The following FAM168A variants were observed in gnomAD, a reference collection of about 807,000 sequenced individuals.
FAM168A encodes the protein protein FAM168A.
A neutral mutation model predicts 28.5 loss-of-function variants in FAM168A; 3 were observed. That is an observed-to-expected ratio of 0.11 (90% CI 0.05 to 0.27). FAM168A has a LOEUF of 0.27. Ranked by LOEUF, FAM168A falls within the 10% of genes least tolerant of loss-of-function variation. The pLI, the probability that FAM168A is intolerant of heterozygous loss-of-function variation, is 1.00. For missense variants in FAM168A, 222 were observed against 311.5 expected, an observed-to-expected ratio of 0.71 and a Z score of 2.16; for synonymous variants, 122 against 124.2, an observed-to-expected ratio of 0.98 and a Z score of 0.12.
At chr11:73,585,871 CAAAA>C (rs11358691) in intron 1 of FAM168A, among the ~76,000 whole-genome samples, 11 of 81,646 alleles carry the variant, frequency 1.3e-4, no homozygotes, top group Non-Finnish European at 2.1e-4. Flanking sequence ...CCATCTCAAA[CAAAA>C]AAAAAAAAAA....
chr11:73,515,160 T>C (rs903440460), intron 1 of FAM168A, among the ~76,000 whole-genome samples: 1 of 152,156 alleles, frequency 6.6e-6, no homozygotes, highest in Non-Finnish European at 1.5e-5. Flanking sequence ...TTCATTAAGA[T>C]ACTCACTCCA....
intron 1 of FAM168A, among the ~76,000 whole-genome samples, chr11:73,476,264 T>C (rs1453825815): frequency 1.3e-5 from 2 of 152,082 alleles, no homozygotes; most frequent in South Asian, 2.1e-4. Context: ...TGATCAAACA[T>C]TGGATGGCCA....
At position 73,404,510 on chromosome 11, in the gene FAM168A, A is replaced by G. The variant is rs1217886626; in HGVS notation, c.*2253T>C. On this transcript the variant is annotated 3_prime_UTR_variant, in exon 8 of 8. Coordinates refer to ENST00000356467, the MANE Select transcript of FAM168A (RefSeq NM_015159.3). Reference sequence around the variant, plus strand: ...ACATAATCTAGAACAACCTTCACCCACCTTTACAAAACCAAAGAGGGTGGA... The same window carrying G: ...ACATAATCTAGAACAACCTTCACCCGCCTTTACAAAACCAAAGAGGGTGGA... The G allele has an allele frequency of 6.6e-6, 1 of 152,194 alleles. No individual in the cohort carries two copies. The highest frequency in any genetic ancestry group is 1.5e-5 in the Non-Finnish European group (1 of 68,036). The allele number at this position is 152,194 out of a possible 1,614,324, so 9.4% of individuals were successfully genotyped here.
intron 1 of FAM168A, among the ~76,000 whole-genome samples, chr11:73,493,710 C>T (rs544227367): frequency 1.7e-4 from 26 of 152,120 alleles, no homozygotes; most frequent in Non-Finnish European, 2.9e-4. Flanking sequence ...AGCCACCATG[C>T]GCAGCCTTGT....
chr11:73,556,650 T>C (rs117330921), intron 1 of FAM168A, among the ~76,000 whole-genome samples: 1,719 of 152,048 alleles, frequency 0.011, 15 homozygotes, highest in Non-Finnish European at 0.018. Flanking sequence ...ATTATGAATG[T>C]ATTTAATACG....
chr11:73,595,881 T>C (rs1352686380), intron 1 of FAM168A, among the ~76,000 whole-genome samples: 1 of 152,254 alleles, frequency 6.6e-6, no homozygotes, highest in Non-Finnish European at 1.5e-5. Context: ...TTCTAAATCT[T>C]ATCAATGTCA....
In FAM168A at chr11:73,403,260, G is replaced by C. The variant is rs973335067; in HGVS notation, c.*3503C>G. ...AATATGCATTTTTTTTCAAAACATGGCAAACCATTATGTTTCAGGCTTTCA... is the reference window on the plus strand; with the variant it reads ...AATATGCATTTTTTTTCAAAACATGCCAAACCATTATGTTTCAGGCTTTCA... On this transcript the variant is annotated 3_prime_UTR_variant, in exon 8 of 8. Transcript: ENST00000356467. 3 of 152,056 alleles carry C rather than the reference G, an allele frequency of 2.0e-5. No individual in the cohort carries two copies. The highest frequency in any genetic ancestry group is 4.4e-5 in the Non-Finnish European group (3 of 68,002). The allele number at this position is 152,056 out of a possible 1,614,324, so 9.4% of individuals were successfully genotyped here. A position where few individuals can be genotyped will look rare whatever the true frequency, so the allele number is the denominator to read the frequency against.
chr11:73,490,126 T>C (rs1868108177), intron 1 of FAM168A, among the ~76,000 whole-genome samples: 1 of 152,244 alleles, frequency 6.6e-6, no homozygotes, highest in African/African-American at 2.4e-5. Flanking sequence ...GATAAAAATT[T>C]TGGTGTTGTT....
chr11:73,503,052 C>A (rs1480253575), intron 1 of FAM168A, among the ~76,000 whole-genome samples: 2 of 152,084 alleles, frequency 1.3e-5, no homozygotes, highest in Non-Finnish European at 2.9e-5. Context: ...TCATACTCAA[C>A]AGGCAAAAGC....
chr11:73,571,199 C>A (rs1390905611), intron 1 of FAM168A, among the ~76,000 whole-genome samples: 1 of 150,840 alleles, frequency 6.6e-6, no homozygotes, highest in Non-Finnish European at 1.5e-5. Context: ...CATTCAGATA[C>A]ATCAATAATT....
At chr11:73,545,015 T>TA (rs376137403) in intron 1 of FAM168A, among the ~76,000 whole-genome samples, 23 of 89,920 alleles carry the variant, frequency 2.6e-4, no homozygotes, top group African/African-American at 8.6e-4. Context: ...ATACTATATA[T>TA]ATAGTATATA....
At chr11:73,498,289 G>A (rs1854935145) in intron 1 of FAM168A, among the ~76,000 whole-genome samples, 1 of 152,174 alleles carries the variant, frequency 6.6e-6, no homozygotes, top group Admixed American at 6.5e-5. Context: ...CGGTACAGCA[G>A]CCCACTCAAG....
At chr11:73,527,806 G>C (rs1025847169) in intron 1 of FAM168A, among the ~76,000 whole-genome samples, 8 of 151,706 alleles carry the variant, frequency 5.3e-5, no homozygotes, top group Non-Finnish European at 1.0e-4. Flanking sequence ...AACTTATATA[G>C]AGTATGCAGT....
At chr11:73,442,377 C>T (rs1390235619) in intron 2 of FAM168A, among the ~76,000 whole-genome samples, 1 of 152,180 alleles carries the variant, frequency 6.6e-6, no homozygotes, top group Non-Finnish European at 1.5e-5. Context: ...CCGTCTGCCT[C>T]AGCCTCCCAA....
At chr11:73,428,120 C>G (rs1866922169) in intron 3 of FAM168A, among the ~76,000 whole-genome samples, 1 of 152,148 alleles carries the variant, frequency 6.6e-6, no homozygotes, top group South Asian at 2.1e-4. Context: ...CTGCGTGAGG[C>G]ACCCTGTCTC....
intron 3 of FAM168A, among the ~76,000 whole-genome samples, chr11:73,427,177 G>A (rs182517027): frequency 9.9e-5 from 15 of 152,128 alleles, no homozygotes; most frequent in Non-Finnish European, 2.2e-4. Flanking sequence ...ATTTTTAGTA[G>A]AGACAGCGTT....
At chr11:73,411,076 T>C (rs1007495922) in intron 5 of FAM168A, among the ~76,000 whole-genome samples, 1 of 152,192 alleles carries the variant, frequency 6.6e-6, no homozygotes, top group Non-Finnish European at 1.5e-5. Context: ...CTTGGACAAG[T>C]CATTCCCCTC....
chr11:73,550,594 G>A (rs1380892052), intron 1 of FAM168A, among the ~76,000 whole-genome samples: 4 of 152,192 alleles, frequency 2.6e-5, no homozygotes, highest in Non-Finnish European at 4.4e-5. Context: ...GGTCGAGGAT[G>A]CAGTGAGCCA....
At chr11:73,409,763 GGCTCT>G (rs1866575842) in intron 5 of FAM168A, 102 bp from the exon 6 acceptor site, 1 of 1,214,126 alleles carries the variant, frequency 8.2e-7, no homozygotes, top group Non-Finnish European at 1.2e-6. Context: ...CCCCAGCTGG[GGCTCT>G]GCTTGTCTTA....
Sources: gnomAD v4.1 joint callset for allele counts (sites outside exome capture counted in the v4.1 genomes callset) on GRCh38, gnomAD v4.1.1 for gene constraint, MANE v1.5 for transcripts, NCBI Gene and HGNC (gene_info 2026-07-23, HGNC 2026-07-21) for gene names.